NTRK3: variants seen among roughly 807,000 people sequenced by gnomAD.
NTRK3 encodes NT-3 growth factor receptor.
In NTRK3, 24 loss-of-function variants were observed where a neutral mutation model predicts 91.7. The ratio of observed to expected loss-of-function variants is 0.26; its 90% confidence interval spans 0.19 to 0.37. The LOEUF (loss-of-function observed/expected upper bound fraction) is 0.37. NTRK3 is among the 10% of genes least tolerant of loss of function. The pLI is 1.00. For synonymous variants in NTRK3, 483 were observed against 404.0 expected (o/e 1.20, Z -2.34); for missense variants, 880 against 1,068.9 (o/e 0.82, Z 2.46).
intron 6 of NTRK3, among the ~76,000 whole-genome samples, chr15:88,146,469 T>C (rs185210167): frequency 1.3e-5 from 2 of 152,324 alleles, no homozygotes; most frequent in African/African-American, 2.4e-5. Flanking sequence ...ACTCCCTAAC[T>C]TGATCCATGC....
intron 14 of NTRK3, among the ~76,000 whole-genome samples, chr15:87,965,388 T>C (rs772141536): frequency 5.3e-5 from 8 of 152,226 alleles, no homozygotes; most frequent in Non-Finnish European, 1.2e-4. Context: ...AGTCCACAGA[T>C]GGGGAGCCGG....
chr15:87,902,134 C>G (rs1212559968), intron 17 of NTRK3, among the ~76,000 whole-genome samples: 2 of 152,182 alleles, frequency 1.3e-5, no homozygotes, highest in Non-Finnish European at 2.9e-5. Context: ...TACACCAGCC[C>G]AGAGAGCACT....
At chr15:87,911,507 G>A (rs1216551046) in intron 17 of NTRK3, among the ~76,000 whole-genome samples, 1 of 152,158 alleles carries the variant, frequency 6.6e-6, no homozygotes, top group Non-Finnish European at 1.5e-5. Context: ...TTGTAGGACG[G>A]TCTGTTCCAT....
intron 3 of NTRK3, among the ~76,000 whole-genome samples, chr15:88,203,804 C>T (rs542040225): frequency 1.4e-4 from 21 of 151,900 alleles, no homozygotes; most frequent in Admixed American, 2.0e-4. Flanking sequence ...TCACATGTAC[C>T]CCAAAATATG....
chr15:87,868,510 A>T (rs2064746988), exon 19 of NTRK3: 1 of 219,408 alleles, frequency 4.6e-6, no homozygotes, highest in Non-Finnish European at 9.1e-6. Flanking sequence ...TCTCAGAGAA[A>T]ATTGTTATCC....
intron 10 of NTRK3, among the ~76,000 whole-genome samples, chr15:88,134,353 G>A (rs539374599): frequency 2.1e-4 from 32 of 152,294 alleles, no homozygotes; most frequent in African/African-American, 7.7e-4. Context: ...AGCCCAGACA[G>A]AGAAAGACAG....
At chr15:88,224,349 G>A (rs2050494932) in intron 3 of NTRK3, among the ~76,000 whole-genome samples, 1 of 152,180 alleles carries the variant, frequency 6.6e-6, no homozygotes, top group African/African-American at 2.4e-5. Context: ...TCGTGAGAAC[G>A]CTATTTCCCA....
At chr15:87,861,735 G>C (rs2064530046) in exon 19 of NTRK3, 1 of 195,214 alleles carries the variant, frequency 5.1e-6, no homozygotes, top group Admixed American at 6.1e-5. Flanking sequence ...TAAAGAGGCA[G>C]AGGGCTAGAC....
chr15:88,178,509 C>A (rs748430584), intron 5 of NTRK3, among the ~76,000 whole-genome samples: 1 of 152,188 alleles, frequency 6.6e-6, no homozygotes, highest in East Asian at 1.9e-4. Flanking sequence ...ACTCTGATGG[C>A]TGACTCTCCC....
chr15:87,976,703 C>A (rs1466571409), intron 14 of NTRK3, among the ~76,000 whole-genome samples: 2 of 152,186 alleles, frequency 1.3e-5, no homozygotes, highest in Non-Finnish European at 2.9e-5. Flanking sequence ...TCCCTCCTGG[C>A]AGCCCACATG....
At chr15:87,901,830 T>C (rs987816973) in intron 17 of NTRK3, among the ~76,000 whole-genome samples, 2 of 152,076 alleles carry the variant, frequency 1.3e-5, no homozygotes, top group Admixed American at 6.5e-5. Flanking sequence ...AAGCATCTTA[T>C]TCAAAAATGC....
intron 14 of NTRK3, among the ~76,000 whole-genome samples, chr15:87,963,958 T>C (rs2072547023): frequency 6.6e-6 from 1 of 152,176 alleles, no homozygotes; most frequent in African/African-American, 2.4e-5. Context: ...CAAACTGTTG[T>C]GAAGAAATTA....
At chr15:88,095,562 T>G (rs541684949) in intron 13 of NTRK3, among the ~76,000 whole-genome samples, 1 of 152,228 alleles carries the variant, frequency 6.6e-6, no homozygotes, top group South Asian at 2.1e-4. Context: ...TCCTCCACAA[T>G]TAACTGCAGG....
In NTRK3 at chr15:88,029,053, C is replaced by T. The variant is rs138835878; in HGVS notation, c.1585+3804G>A. Among the ~76,000 whole-genome samples, 1,468 of 152,334 alleles carry T rather than the reference C, an allele frequency of 9.6e-3. 10 individuals are homozygous for T. Among genetic ancestry groups the T allele is most frequent in the Non-Finnish European group, 0.017 (1,158 of 68,036 alleles). On this transcript the variant is annotated intron_variant, in intron 14 of 18. Coordinates refer to ENST00000394480, the Ensembl canonical transcript of NTRK3. ...CTGGTCCCTTGACTTCTCATTCTAT[C>T]GGACCTGGCCCAAAGTCTAGGGTCC... is the stretch of plus-strand genomic sequence containing the variant.
At chr15:87,936,698 G>A (rs567858033) in intron 15 of NTRK3, among the ~76,000 whole-genome samples, 3 of 151,782 alleles carry the variant, frequency 2.0e-5, no homozygotes, top group Non-Finnish European at 2.9e-5. Flanking sequence ...ACGCACACAT[G>A]CACACCTATC....
intron 13 of NTRK3, among the ~76,000 whole-genome samples, chr15:88,113,809 G>C (rs1354770673): frequency 1.3e-5 from 2 of 152,074 alleles, no homozygotes; most frequent in African/African-American, 4.8e-5. Context: ...AAACCATATG[G>C]CCAGCAAAGT....
At chr15:88,198,452 T>C (rs1218492588) in intron 3 of NTRK3, among the ~76,000 whole-genome samples, 1 of 152,092 alleles carries the variant, frequency 6.6e-6, no homozygotes, top group African/African-American at 2.4e-5. Flanking sequence ...CACATCTTCC[T>C]CTCCCCTAAG....
intron 14 of NTRK3, among the ~76,000 whole-genome samples, chr15:87,956,850 G>A (rs1440019696): frequency 6.6e-6 from 1 of 152,236 alleles, no homozygotes; most frequent in Admixed American, 6.5e-5. Flanking sequence ...GGGATTACAG[G>A]TGTGAGCCAC....
At chr15:88,136,592 C>T (rs777599584) in exon 8 of NTRK3, 10 of 1,612,992 alleles carry the variant, frequency 6.2e-6, no homozygotes, top group South Asian at 1.1e-5. Flanking sequence ...ACGTGGCTCA[C>T]GCTGATCTCA....
Sources: gnomAD v4.1 joint callset for allele counts (sites outside exome capture counted in the v4.1 genomes callset) on GRCh38, gnomAD v4.1.1 for gene constraint, MANE v1.5 for transcripts, NCBI Gene and HGNC (gene_info 2026-07-23, HGNC 2026-07-21) for gene names.